Variants in DNER observed in about 807,000 individuals in gnomAD.
DNER encodes the protein delta and Notch-like epidermal growth factor-related receptor.
A neutral mutation model predicts 78.2 loss-of-function variants in DNER; 33 were observed. The ratio of observed to expected loss-of-function variants is 0.42; its 90% CI spans 0.32 to 0.56. DNER has a LOEUF of 0.56. DNER is among the 20% of genes least tolerant of loss of function. DNER has a pLI of 0.11. For synonymous variants in DNER, 417 were observed against 384.8 expected (o/e 1.08, Z -0.98); for missense variants, 918 against 975.3 (o/e 0.94, Z 0.78).
rs370996019 is a variant in DNER, at chr2:229,395,447, G to A, written c.1724-7051C>T. 2.3e-4 allele frequency among the ~76,000 whole-genome samples: 35 copies of A among 152,316 alleles called. 1 individual carries two copies. The highest frequency in any genetic ancestry group is 6.5e-4 in the African/African-American group (27 of 41,582). On this transcript the variant is annotated intron_variant, in intron 10 of 12. Transcript: ENST00000341772. ...GAATGTCCTTGCAGTGACGTGCACCGTGGAAGCATTGCACTGTCCAATCCT... is the reference window on the plus strand; with the variant it reads ...GAATGTCCTTGCAGTGACGTGCACCATGGAAGCATTGCACTGTCCAATCCT...
chr2:229,427,113 A>T (rs1693895550), intron 8 of DNER, among the ~76,000 whole-genome samples: 1 of 152,242 alleles, frequency 6.6e-6, no homozygotes, highest in South Asian at 2.1e-4. Context: ...CTAAAGACAG[A>T]GGCTAAATTA....
chr2:229,577,697 GGA>G (rs1697328681), intron 4 of DNER, among the ~76,000 whole-genome samples: 1 of 151,926 alleles, frequency 6.6e-6, no homozygotes, highest in Non-Finnish European at 1.5e-5. Flanking sequence ...CTGATCCAAA[GGA>G]GAATATTCCA....
At chr2:229,585,783 A>G (rs1697484037) in intron 4 of DNER, 75 bp downstream of exon 4, 1 of 1,525,786 alleles carries the variant, frequency 6.6e-7, no homozygotes. Context: ...AAAATTCCCT[A>G]CCTACTGTCT....
chr2:229,598,382 G>A (rs1038426020), intron 1 of DNER, among the ~76,000 whole-genome samples: 3 of 152,224 alleles, frequency 2.0e-5, no homozygotes, highest in African/African-American at 7.2e-5. Context: ...GGGTCAGGAA[G>A]ATGAATAAAG....
intron 5 of DNER, among the ~76,000 whole-genome samples, chr2:229,541,112 G>T (rs1330218542): frequency 1.3e-5 from 2 of 152,226 alleles, no homozygotes; most frequent in African/African-American, 4.8e-5. Context: ...TAGGGAGTCA[G>T]CAGGAAGGGG....
intron 1 of DNER, among the ~76,000 whole-genome samples, chr2:229,620,530 C>G (rs552256045): frequency 6.6e-6 from 1 of 152,218 alleles, no homozygotes; most frequent in Admixed American, 6.5e-5. Context: ...GAGCCGCAGC[C>G]TCGAGGCAGA....
chr2:229,528,210 C>G (rs13425766), intron 5 of DNER, among the ~76,000 whole-genome samples: 6,245 of 152,220 alleles, frequency 0.041, 406 homozygotes, highest in African/African-American at 0.14. Flanking sequence ...ACTCAAAAGA[C>G]GATGAGTGGT....
At chr2:229,523,600 C>A (rs1006403845) in intron 5 of DNER, among the ~76,000 whole-genome samples, 9 of 152,230 alleles carry the variant, frequency 5.9e-5, no homozygotes, top group Admixed American at 3.9e-4. Context: ...AATACAGTCA[C>A]ACTCTTAGTA....
chr2:229,706,082 G>C (rs948183558), intron 1 of DNER, among the ~76,000 whole-genome samples: 2 of 152,132 alleles, frequency 1.3e-5, no homozygotes, highest in African/African-American at 4.8e-5. Context: ...CTGGAGCCTA[G>C]GTAGAGGTAG....
Position 229,407,438 on chromosome 2 carries a change from C to G in DNER, c.1610-93G>C, listed in dbSNP as rs149454007. On this transcript the variant is annotated intron_variant, in intron 9 of 12. Coordinates refer to ENST00000341772, the MANE Select transcript of DNER (RefSeq NM_139072.4). ...AAAGTCGGAACTCTCTGGAACAATG[C>G]GAGGGAGATTCCCAGCGTGGGTGTG... 6.6e-4 allele frequency: 717 copies of G among 1,085,354 alleles called. 3 individuals are homozygous for G. In the African/African-American group the frequency reaches 9.4e-3, roughly 14 times the overall value. The allele number at this position is 1,085,354 out of a possible 1,614,324, so 67.2% of individuals were successfully genotyped here. A position where few individuals can be genotyped will look rare whatever the true frequency, so the allele number is the denominator to read the frequency against.
rs1698471920 is a variant in DNER, at chr2:229,633,293, T to C, written c.277-41405A>G. ...AAAACAATACAGAAAATGTAAATAA[T>C]GGTGTGTTAAGGAAAGAAGCAGGAT... On this transcript the variant is annotated intron_variant, in intron 1 of 12. Coordinates refer to ENST00000341772, the MANE Select transcript of DNER (RefSeq NM_139072.4). Among the ~76,000 whole-genome samples, 4 of 152,332 alleles carry C rather than the reference T, an allele frequency of 2.6e-5. No individual in the cohort carries two copies. The East Asian group carries it at 5.8e-4, about 22-fold the overall frequency.
At chr2:229,619,775 G>T (rs1698222745) in intron 1 of DNER, among the ~76,000 whole-genome samples, 1 of 152,064 alleles carries the variant, frequency 6.6e-6, no homozygotes, top group Non-Finnish European at 1.5e-5. Context: ...AAAGGAGCTG[G>T]TACTATATTT....
At chr2:229,691,556 A>G (rs1228550396) in intron 1 of DNER, among the ~76,000 whole-genome samples, 1 of 152,198 alleles carries the variant, frequency 6.6e-6, no homozygotes, top group Admixed American at 6.5e-5. Flanking sequence ...AGAGTGAACC[A>G]GGGCTGTGAT....
intron 4 of DNER, among the ~76,000 whole-genome samples, chr2:229,548,357 G>A (rs1044906651): frequency 7.9e-5 from 12 of 152,288 alleles, no homozygotes; most frequent in Middle Eastern, 3.4e-3. Context: ...GTCCATCAAT[G>A]ATAGACTGGA....
At chr2:229,363,617 T>G (rs984168869) in intron 12 of DNER, among the ~76,000 whole-genome samples, 2 of 152,218 alleles carry the variant, frequency 1.3e-5, no homozygotes, top group Non-Finnish European at 2.9e-5. Context: ...GCTTGCCCGT[T>G]AGGAATTCCG....
chr2:229,366,614 T>C (rs1692352785), intron 12 of DNER, among the ~76,000 whole-genome samples: 1 of 152,220 alleles, frequency 6.6e-6, no homozygotes. Context: ...CAGATATTTA[T>C]AGTCACAGAG....
intron 1 of DNER, among the ~76,000 whole-genome samples, chr2:229,676,097 C>T (rs956043074): frequency 1.4e-4 from 22 of 152,158 alleles, no homozygotes; most frequent in African/African-American, 4.6e-4. Flanking sequence ...TAGGGACTGT[C>T]GACAAGTGTG....
In DNER at chr2:229,418,135, CAT is replaced by C; in HGVS notation, c.1580_1581del (p.Tyr527Ter). 3 of 1,614,206 alleles carry C rather than the reference CAT, an allele frequency of 1.9e-6. No homozygotes were observed. The highest frequency in any genetic ancestry group is 2.5e-6 in the Non-Finnish European group (3 of 1,180,016). ...TTGTATTCTGCCAGGCACACACACT[CAT>C]AGCCATTAACGAGGTCCCTGCAGGT... ...AATCRDLVNG[Y>X]ECVCLAEYKG... is the part of the protein sequence containing the mutation. On this transcript the variant is annotated frameshift_variant, in exon 9 of 13. Transcript: ENST00000341772. LOFTEE classifies it high-confidence loss of function.
Position 229,477,270 on chromosome 2 carries a change from G to A in DNER, c.1148-17C>T, listed in dbSNP as rs1288552578. The A allele has an allele frequency of 7.6e-6, 12 of 1,584,840 alleles. No homozygotes were observed. Among genetic ancestry groups the A allele is most frequent in the Non-Finnish European group, 9.5e-6 (11 of 1,157,790 alleles). ...CAGTATAACCTGAATAAAACAAAAT[G>A]TACATTTTATAAAATAAGCTCTTCC... On this transcript the variant is annotated splice_polypyrimidine_tract_variant and intron_variant, in intron 6 of 12. Transcript: ENST00000341772.
Sources: allele counts gnomAD v4.1 joint callset (sites outside exome capture counted in the v4.1 genomes callset), GRCh38; gene constraint gnomAD v4.1.1; transcripts MANE v1.5; gene names NCBI Gene and HGNC (gene_info 2026-07-23, HGNC 2026-07-21).